LMBR1: variants seen among roughly 807,000 people sequenced by gnomAD.
LMBR1 encodes the protein limb region 1 protein homolog.
In LMBR1, 52 loss-of-function variants were observed where a neutral mutation model predicts 73.9. That is an observed-to-expected ratio of 0.70 (90% CI 0.56 to 0.89). The LOEUF (loss-of-function observed/expected upper bound fraction) is 0.89, where lower values mean the gene tolerates loss of function less well. Among genes scored for constraint, LMBR1 ranks in the 40% least tolerant of loss-of-function variants. The pLI is 0.00. For synonymous variants in LMBR1, 215 were observed against 209.4 expected (o/e 1.03, Z -0.23); for missense variants, 539 against 579.8 (o/e 0.93, Z 0.72).
intron 9 of LMBR1, among the ~76,000 whole-genome samples, chr7:156,735,821 ATCTT>A (rs1209009344): frequency 2.0e-5 from 3 of 152,114 alleles, no homozygotes; most frequent in South Asian, 4.2e-4. Flanking sequence ...TTTCATTTTA[ATCTT>A]TCTTTTTCTC....
At chr7:156,721,254 G>C (rs2132326521) in intron 15 of LMBR1, among the ~76,000 whole-genome samples, 1 of 152,012 alleles carries the variant, frequency 6.6e-6, no homozygotes, top group East Asian at 1.9e-4. Context: ...GCATTTCAAA[G>C]ACTATCATTT....
At chr7:156,730,764 C>T (rs552623015) in intron 10 of LMBR1, among the ~76,000 whole-genome samples, 21 of 152,022 alleles carry the variant, frequency 1.4e-4, no homozygotes, top group Non-Finnish European at 2.4e-4. Context: ...GGTAAAACCC[C>T]GTCTCTACTA....
At chr7:156,845,117 T>G (rs947098962) in intron 1 of LMBR1, among the ~76,000 whole-genome samples, 3 of 152,198 alleles carry the variant, frequency 2.0e-5, no homozygotes, top group African/African-American at 7.2e-5. Context: ...AAACCCATGA[T>G]GGATATACCA....
rs75093357 is a variant in LMBR1 at position 156,801,497 on chromosome 7, G to C, written c.320-5005C>G. Among the ~76,000 whole-genome samples, 52 of 152,284 alleles carry C rather than the reference G, an allele frequency of 3.4e-4. No homozygotes were observed. In the East Asian group the frequency reaches 0.01, roughly 29 times the overall value. The stretch of plus-strand genomic sequence containing the variant: ...ACAGTACACTGGAACCAACCCTGCA[G>C]TATCTCCAAGGTATGCCTGTCACTG... On this transcript the variant is annotated intron_variant, in intron 4 of 16. Transcript: ENST00000353442.
intron 5 of LMBR1, 31 bp downstream of exon 5, chr7:156,796,358 C>T: frequency 7.0e-7 from 1 of 1,431,652 alleles, no homozygotes; most frequent in South Asian, 1.3e-5. Context: ...CCTCACTTAA[C>T]CAATTTAATT....
At chr7:156,779,890 A>T (rs541297018) in intron 5 of LMBR1, among the ~76,000 whole-genome samples, 2 of 152,244 alleles carry the variant, frequency 1.3e-5, no homozygotes, top group African/African-American at 2.4e-5. Flanking sequence ...AGGTTTGCTC[A>T]GCATGGCATC....
At chr7:156,674,263 C>T (rs188142238), downstream of LMBR1, among the ~76,000 whole-genome samples, 7 of 152,182 alleles carry the variant, frequency 4.6e-5, no homozygotes, top group African/African-American at 1.2e-4. Flanking sequence ...TGCCACCCCC[C>T]GGGCCTGGAG....
chr7:156,848,503 A>G (rs936847227), intron 1 of LMBR1, among the ~76,000 whole-genome samples: 1 of 152,196 alleles, frequency 6.6e-6, no homozygotes, highest in Non-Finnish European at 1.5e-5. Flanking sequence ...CAGAGTGGCT[A>G]TTATTAAAAA....
intron 2 of LMBR1, among the ~76,000 whole-genome samples, chr7:156,834,090 A>G (rs1350518732): frequency 6.6e-6 from 1 of 152,224 alleles, no homozygotes; most frequent in Non-Finnish European, 1.5e-5. Context: ...GACCACTACA[A>G]AGTAAATTAT....
At chr7:156,831,559 C>A (rs946254226) in intron 3 of LMBR1, among the ~76,000 whole-genome samples, 1 of 152,040 alleles carries the variant, frequency 6.6e-6, no homozygotes, top group Non-Finnish European at 1.5e-5. Flanking sequence ...CATGCCCCTC[C>A]CTTAACTGTA....
At position 156,680,302 on chromosome 7, in the gene LMBR1, G is replaced by A. The variant is rs1411075928; in HGVS notation, c.*3776C>T. The A allele has an allele frequency of 6.6e-6, 1 of 151,846 alleles. No homozygotes were observed. The highest frequency in any genetic ancestry group is 6.6e-5 in the Admixed American group (1 of 15,240). The allele number at this position is 151,846 out of a possible 1,614,324, so 9.4% of individuals were successfully genotyped here. A position where few individuals can be genotyped will look rare whatever the true frequency, so the allele number is the denominator to read the frequency against. Reference sequence around the variant, plus strand: ...TAGTATTTTTAAAAATAATAAAACAGAAGATGCCAGCATGCACACTTAGGA... The same window carrying A: ...TAGTATTTTTAAAAATAATAAAACAAAAGATGCCAGCATGCACACTTAGGA... On this transcript the variant is annotated 3_prime_UTR_variant, in exon 17 of 17. Transcript: ENST00000353442.
chr7:156,851,891 C>A (rs575295022), intron 1 of LMBR1, among the ~76,000 whole-genome samples: 1 of 152,178 alleles, frequency 6.6e-6, no homozygotes, highest in East Asian at 1.9e-4. Context: ...TCAAAATGAA[C>A]ACAATAAAAT....
chr7:156,825,538 T>C (rs1047310450), intron 4 of LMBR1, among the ~76,000 whole-genome samples: 12 of 152,094 alleles, frequency 7.9e-5, no homozygotes, highest in African/African-American at 2.9e-4. Flanking sequence ...ACACCAACTA[T>C]GTACTCACAA....
chr7:156,882,182 C>G (rs535639967), intron 1 of LMBR1, among the ~76,000 whole-genome samples: 5 of 152,326 alleles, frequency 3.3e-5, no homozygotes, highest in African/African-American at 9.6e-5. Flanking sequence ...TGGCTCATGC[C>G]TATAATCCCA....
rs76030576 is a variant in LMBR1 at position 156,734,411 on chromosome 7, T to C, written c.758-154A>G. Among the ~76,000 whole-genome samples, 4,007 of 152,294 alleles carry C rather than the reference T, an allele frequency of 0.026. 177 individuals are homozygous for C. Among genetic ancestry groups the C allele is most frequent in the African/African-American group, 0.092 (3,820 of 41,540 alleles). On this transcript the variant is annotated intron_variant, in intron 9 of 16. Coordinates refer to ENST00000353442, the MANE Select transcript of LMBR1 (RefSeq NM_022458.4). ...TGTGATTCAGAGGAAAGCACATCCA[T>C]ATATTTACCAATTAAAACTTCTTGC...
chr7:156,831,134 A>G (rs1836599875), intron 3 of LMBR1, among the ~76,000 whole-genome samples: 1 of 152,174 alleles, frequency 6.6e-6, no homozygotes, highest in East Asian at 1.9e-4. Context: ...AACACAAAGC[A>G]AAACAAAACT....
At chr7:156,890,696 T>C (rs1412592004) in intron 1 of LMBR1, among the ~76,000 whole-genome samples, 2 of 152,142 alleles carry the variant, frequency 1.3e-5, no homozygotes, top group Non-Finnish European at 2.9e-5. Flanking sequence ...AAATATCAAG[T>C]ATTGATAAAG....
intron 9 of LMBR1, among the ~76,000 whole-genome samples, chr7:156,742,870 G>A (rs764861945): frequency 3.3e-5 from 5 of 151,976 alleles, no homozygotes; most frequent in Non-Finnish European, 5.9e-5. Flanking sequence ...CTAGCAAACC[G>A]AATTCAACAA....
At chr7:156,675,878 C>T, downstream of LMBR1, 1 of 1,607,952 alleles carries the variant, frequency 6.2e-7, no homozygotes, top group South Asian at 1.1e-5. Context: ...GTTTGGCTGG[C>T]AGCCTGGCAA....
Sources: allele counts gnomAD v4.1 joint callset (sites outside exome capture counted in the v4.1 genomes callset), GRCh38; gene constraint gnomAD v4.1.1; transcripts MANE v1.5; gene names NCBI Gene and HGNC (gene_info 2026-07-23, HGNC 2026-07-21).